The following SYN3 variants were observed in gnomAD, a reference collection of about 807,000 sequenced individuals.
SYN3 encodes the protein synapsin-3.
SYN3 carries 35 observed loss-of-function variants against 65.8 expected under a neutral mutation model. The ratio of observed to expected loss-of-function variants is 0.53; its 90% CI spans 0.41 to 0.70. The LOEUF is 0.70. SYN3 is among the 30% of genes least tolerant of loss of function. The pLI, the probability that SYN3 is intolerant of heterozygous loss-of-function variation, is 0.00. For missense variants in SYN3, 680 were observed against 749.0 expected, an observed-to-expected ratio of 0.91 and a Z score of 1.08; for synonymous variants, 270 against 292.9, an observed-to-expected ratio of 0.92 and a Z score of 0.80.
intron 8 of SYN3, among the ~76,000 whole-genome samples, chr22:32,540,903 A>G (rs1249635622): frequency 6.6e-6 from 1 of 152,240 alleles, no homozygotes; most frequent in African/African-American, 2.4e-5. Context: ...TAGGGATGCC[A>G]TGAAAATTGT....
chr22:32,547,120 G>C lies in SYN3; in HGVS notation c.775-5407C>G, dbSNP rs1457329366. Among the ~76,000 whole-genome samples, 3 of 151,976 alleles carry C rather than the reference G, an allele frequency of 2.0e-5. No individual in the cohort carries two copies. The South Asian group carries it at 6.2e-4, about 32-fold the overall frequency. On this transcript the variant is annotated intron_variant, in intron 7 of 13. Coordinates refer to ENST00000358763, the MANE Select transcript of SYN3 (RefSeq NM_003490.4). ...AGCCTCTTGAGTGGCTGGGACTACC[G>C]GCGCATGACATCACGCCTGGCTGTT...
chr22:32,985,710 C>T (rs914231297), intron 2 of SYN3, among the ~76,000 whole-genome samples: 1 of 152,146 alleles, frequency 6.6e-6, no homozygotes, highest in African/African-American at 2.4e-5. Context: ...ACCCTGCTGA[C>T]TGGGGGTCTG....
intron 6 of SYN3, among the ~76,000 whole-genome samples, chr22:32,689,246 A>G (rs2147147071): frequency 6.6e-6 from 1 of 152,276 alleles, no homozygotes; most frequent in South Asian, 2.1e-4. Flanking sequence ...TGTCAGAATG[A>G]GTGGAAAGTG....
chr22:32,743,962 T>A (rs1039528527), intron 6 of SYN3, among the ~76,000 whole-genome samples: 1 of 152,078 alleles, frequency 6.6e-6, no homozygotes, highest in African/African-American at 2.4e-5. Flanking sequence ...ACCTGCGTGA[T>A]CTTGAGCAAA....
At chr22:32,875,757 TAG>T (rs1228418312) in intron 4 of SYN3, among the ~76,000 whole-genome samples, 2 of 152,078 alleles carry the variant, frequency 1.3e-5, no homozygotes, top group African/African-American at 4.8e-5. Flanking sequence ...CTTCAGGAAC[TAG>T]AGAGTGGCAA....
At chr22:32,738,662 T>C (rs377364609) in intron 6 of SYN3, among the ~76,000 whole-genome samples, 115 of 152,260 alleles carry the variant, frequency 7.6e-4, no homozygotes, top group African/African-American at 2.7e-3. Context: ...TATTAATGCA[T>C]GAGTAGGAAT....
chr22:32,922,933 G>A (rs187379958), intron 4 of SYN3, among the ~76,000 whole-genome samples: 106 of 152,246 alleles, frequency 7.0e-4, no homozygotes, highest in Admixed American at 2.0e-3. Flanking sequence ...CATCCATCCT[G>A]GTCACCTATA....
chr22:32,709,201 T>C (rs2060922210), intron 6 of SYN3, among the ~76,000 whole-genome samples: 1 of 152,320 alleles, frequency 6.6e-6, no homozygotes, highest in East Asian at 1.9e-4. Flanking sequence ...AGACAACAAT[T>C]TTCTAGATAA....
chr22:32,627,551 A>G (rs962392619), intron 6 of SYN3, among the ~76,000 whole-genome samples: 1 of 152,144 alleles, frequency 6.6e-6, no homozygotes, highest in Admixed American at 6.5e-5. Flanking sequence ...TTTGATACAC[A>G]GAGACACCTC....
At chr22:32,538,611 C>T (rs966741318) in intron 8 of SYN3, among the ~76,000 whole-genome samples, 4 of 152,172 alleles carry the variant, frequency 2.6e-5, no homozygotes, top group Non-Finnish European at 5.9e-5. Flanking sequence ...ACCGACCTCC[C>T]TTCCGGTGCT....
At chr22:32,638,132 G>A (rs1173300974) in intron 6 of SYN3, among the ~76,000 whole-genome samples, 1 of 152,132 alleles carries the variant, frequency 6.6e-6, no homozygotes, top group Non-Finnish European at 1.5e-5. Flanking sequence ...CTATGTTGCT[G>A]CATAGGACAT....
intron 3 of SYN3, among the ~76,000 whole-genome samples, chr22:32,960,972 C>T (rs752798275): frequency 1.8e-4 from 28 of 152,314 alleles, no homozygotes; most frequent in Non-Finnish European, 2.9e-4. Context: ...GAAGCCCACA[C>T]CACCATAAAC....
intron 6 of SYN3, among the ~76,000 whole-genome samples, chr22:32,667,570 G>T (rs1373637374): frequency 6.6e-6 from 1 of 152,086 alleles, no homozygotes; most frequent in Non-Finnish European, 1.5e-5. Flanking sequence ...GTGGGTTGCT[G>T]GGTCAAAGGG....
chr22:32,933,243 T>C (rs1569337164), intron 3 of SYN3, among the ~76,000 whole-genome samples: 1 of 152,198 alleles, frequency 6.6e-6, no homozygotes, highest in Non-Finnish European at 1.5e-5. Flanking sequence ...CTCACATGTA[T>C]GAAGCACTCA....
chr22:32,884,284 C>G (rs935942782), intron 4 of SYN3, among the ~76,000 whole-genome samples: 2 of 152,158 alleles, frequency 1.3e-5, no homozygotes, highest in Non-Finnish European at 2.9e-5. Context: ...TTCCAATAGC[C>G]CCAGGGGTCA....
intron 4 of SYN3, among the ~76,000 whole-genome samples, chr22:32,923,729 A>C (rs1569330022): frequency 6.6e-6 from 1 of 152,156 alleles, no homozygotes; most frequent in Non-Finnish European, 1.5e-5. Flanking sequence ...TTACATGTGC[A>C]GGTTTGTTAT....
At chr22:32,534,053 AG>A (rs2146189405) in intron 9 of SYN3, among the ~76,000 whole-genome samples, 158 bp from the exon 10 acceptor site, 1 of 152,316 alleles carries the variant, frequency 6.6e-6, no homozygotes, top group Admixed American at 6.5e-5. Flanking sequence ...CAAGAGAGAC[AG>A]AAAGACGGAG....
chr22:33,013,416 A>T (rs897623451), intron 1 of SYN3, among the ~76,000 whole-genome samples: 1 of 152,168 alleles, frequency 6.6e-6, no homozygotes, highest in African/African-American at 2.4e-5. Context: ...CTCTCTGAGA[A>T]AGTTACTTTT....
rs201492168 is a variant in SYN3, at chr22:33,006,430, A to C, written c.233T>G (p.Met78Arg). The C allele has an allele frequency of 5.6e-5, 91 of 1,614,036 alleles. No homozygotes were observed. The highest frequency in any genetic ancestry group is 7.3e-5 in the Non-Finnish European group (86 of 1,180,032). The change falls in exon 2 of 14, where the codon ATG (methionine) becomes AGG (arginine). Residue 78 changes from methionine to arginine, a missense_variant. By Grantham distance (91) the Met-to-Arg change is moderately conservative. Transcript: ENST00000358763. Reference protein sequence around the residue: ...KQAPQATSGLMEPPGPSTPIV... With the variant: ...KQAPQATSGLREPPGPSTPIV... ...GGGCGTGGAGGGACCTGGAGGCTCC[A>C]TCAGTCCTGAGGTGGCCTGAGGGGC...
Sources: gnomAD v4.1 joint callset for allele counts (sites outside exome capture counted in the v4.1 genomes callset) on GRCh38, gnomAD v4.1.1 for gene constraint, MANE v1.5 for transcripts, NCBI Gene and HGNC (gene_info 2026-07-23, HGNC 2026-07-21) for gene names.